The following TMEM132D variants were observed in gnomAD, a reference collection of about 807,000 sequenced individuals.
The protein encoded by TMEM132D is mature OL transmembrane protein.
In TMEM132D, 21 loss-of-function variants were observed where a neutral mutation model predicts 62.3. The observed-to-expected ratio is 0.34, with a 90% CI of 0.24 to 0.49. TMEM132D has a LOEUF of 0.49. TMEM132D is among the 20% of genes least tolerant of loss of function. The pLI is 0.99. For missense variants in TMEM132D, 1,346 were observed against 1,402.8 expected (o/e 0.96, Z 0.65); for synonymous variants, 621 against 575.6 (o/e 1.08, Z -1.13).
intron 2 of TMEM132D, among the ~76,000 whole-genome samples, chr12:129,573,123 C>T (rs1242466516): frequency 6.6e-6 from 1 of 152,178 alleles, no homozygotes; most frequent in African/African-American, 2.4e-5. Context: ...TAGGTGACTG[C>T]ACAGCCAGGG....
intron 1 of TMEM132D, among the ~76,000 whole-genome samples, chr12:129,791,663 CA>C (rs1026998817): frequency 4.6e-5 from 7 of 152,138 alleles, no homozygotes; most frequent in African/African-American, 1.7e-4. Flanking sequence ...TTAACCCCCC[CA>C]GTCACCAATC....
intron 4 of TMEM132D, among the ~76,000 whole-genome samples, chr12:129,280,026 A>G (rs1881100436): frequency 6.6e-6 from 1 of 152,228 alleles, no homozygotes; most frequent in African/African-American, 2.4e-5. Context: ...GCCTCAAGAC[A>G]ATGTTAATTA....
At chr12:129,176,822 G>A (rs766952026) in intron 5 of TMEM132D, among the ~76,000 whole-genome samples, 1 of 152,234 alleles carries the variant, frequency 6.6e-6, no homozygotes, top group Non-Finnish European at 1.5e-5. Context: ...CTCTGTCCCT[G>A]GCATGTGCCA....
rs567491066 is a variant in TMEM132D, at chr12:129,490,121, A to G, written c.1115+40938T>C. ...TAATGGACACACTGCATTCTGTTCAATGTAGCTACTATAGTTCATTTAGTC... is the reference window on the plus strand; with the variant it reads ...TAATGGACACACTGCATTCTGTTCAGTGTAGCTACTATAGTTCATTTAGTC... On this transcript the variant is annotated intron_variant, in intron 3 of 8. Coordinates refer to ENST00000422113, the MANE Select transcript of TMEM132D (RefSeq NM_133448.3). Among the ~76,000 whole-genome samples the G allele has an allele frequency of 4.6e-5, 7 of 152,332 alleles. No individual in the cohort carries two copies. In the South Asian group the frequency reaches 6.2e-4, roughly 14 times the overall value.
chr12:129,538,555 GT>G (rs911207418), intron 2 of TMEM132D, among the ~76,000 whole-genome samples: 16 of 151,858 alleles, frequency 1.1e-4, no homozygotes, highest in African/African-American at 3.1e-4. Context: ...TACATACTAT[GT>G]TTTTTTTCTA....
At chr12:129,144,925 T>TCTATCTATCTATCTAC (rs1555232599) in intron 5 of TMEM132D, among the ~76,000 whole-genome samples, 5 of 147,430 alleles carry the variant, frequency 3.4e-5, no homozygotes, top group African/African-American at 1.2e-4. Flanking sequence ...TATCTATCTA[T>TCTATCTATCTATCTAC]CTACCTATCA....
At chr12:129,232,036 C>A (rs148933931) in intron 4 of TMEM132D, among the ~76,000 whole-genome samples, 1 of 152,260 alleles carries the variant, frequency 6.6e-6, no homozygotes, top group Non-Finnish European at 1.5e-5. Context: ...CAGTGGTTCT[C>A]AAACTTAGCT....
At chr12:129,436,994 A>G (rs769978353) in intron 3 of TMEM132D, among the ~76,000 whole-genome samples, 14 of 152,186 alleles carry the variant, frequency 9.2e-5, no homozygotes, top group Admixed American at 3.9e-4. Context: ...TATCATAGAG[A>G]CTGCTCCATC....
At chr12:129,901,823 A>G (rs1411398661) in intron 1 of TMEM132D, among the ~76,000 whole-genome samples, 1 of 152,124 alleles carries the variant, frequency 6.6e-6, no homozygotes, top group Admixed American at 6.5e-5. Flanking sequence ...CATAAACACA[A>G]AGAAGTCTGG....
chr12:129,271,167 G>T (rs1880842897), intron 4 of TMEM132D, among the ~76,000 whole-genome samples: 1 of 152,112 alleles, frequency 6.6e-6, no homozygotes, highest in Non-Finnish European at 1.5e-5. Flanking sequence ...GCCATGTTTT[G>T]CTGGGACTGA....
At chr12:129,614,794 G>A (rs904428835) in intron 2 of TMEM132D, among the ~76,000 whole-genome samples, 7 of 152,098 alleles carry the variant, frequency 4.6e-5, no homozygotes, top group Non-Finnish European at 7.4e-5. Flanking sequence ...AGCTCTCCCC[G>A]GAATCCAAAT....
intron 1 of TMEM132D, among the ~76,000 whole-genome samples, chr12:129,760,378 C>A (rs1685517584): frequency 7.5e-6 from 1 of 132,664 alleles, no homozygotes; most frequent in Non-Finnish European, 1.5e-5. Context: ...TTTGCCCAGG[C>A]TAGAGTGCAG....
At chr12:129,383,415 C>A (rs1326240766) in intron 3 of TMEM132D, among the ~76,000 whole-genome samples, 4 of 152,086 alleles carry the variant, frequency 2.6e-5, no homozygotes, top group African/African-American at 7.2e-5. Context: ...TCATGTAAAC[C>A]CTACACTTTT....
chr12:129,358,305 C>T (rs954250252), intron 3 of TMEM132D, among the ~76,000 whole-genome samples: 6 of 151,958 alleles, frequency 3.9e-5, no homozygotes, highest in African/African-American at 1.2e-4. Context: ...TTTCTGGAAC[C>T]CTTGTTGTTT....
At chr12:129,715,543 A>G (rs1447093533) in intron 1 of TMEM132D, among the ~76,000 whole-genome samples, 2 of 152,178 alleles carry the variant, frequency 1.3e-5, no homozygotes, top group East Asian at 1.9e-4. Flanking sequence ...ATTCTTGCCT[A>G]TAGTCATGCA....
intron 4 of TMEM132D, among the ~76,000 whole-genome samples, chr12:129,329,607 T>C (rs1869041108): frequency 6.6e-6 from 1 of 152,200 alleles, no homozygotes; most frequent in Non-Finnish European, 1.5e-5. Context: ...CACACATTAC[T>C]TGTACTGACT....
chr12:129,293,895 C>T (rs1881508647), intron 4 of TMEM132D, among the ~76,000 whole-genome samples: 1 of 152,092 alleles, frequency 6.6e-6, no homozygotes, highest in African/African-American at 2.4e-5. Flanking sequence ...AATACTGGTC[C>T]ATAGCCTAGG....
Position 129,576,531 on chromosome 12 carries a change from T to C in TMEM132D, c.969-45326A>G, listed in dbSNP as rs979570318. On this transcript the variant is annotated intron_variant, in intron 2 of 8. Coordinates refer to ENST00000422113, the MANE Select transcript of TMEM132D (RefSeq NM_133448.3). Reference sequence around the variant, plus strand: ...ATATATACACATATATGTGTACATATATCTGTTTACATAAATATATACACA... The same window carrying C: ...ATATATACACATATATGTGTACATACATCTGTTTACATAAATATATACACA... Among the ~76,000 whole-genome samples the C allele has an allele frequency of 6.6e-5, 10 of 151,862 alleles. 1 individual carries two copies. Among genetic ancestry groups the C allele is most frequent in the African/African-American group, 2.4e-4 (10 of 41,146 alleles).
chr12:129,090,087 T>A (rs1019273768), intron 5 of TMEM132D, among the ~76,000 whole-genome samples: 2 of 152,240 alleles, frequency 1.3e-5, no homozygotes, highest in African/African-American at 4.8e-5. Context: ...GCAGCCGCTA[T>A]GAGCTTCCGT....
Sources: allele counts gnomAD v4.1 joint callset (sites outside exome capture counted in the v4.1 genomes callset), GRCh38; gene constraint gnomAD v4.1.1; transcripts MANE v1.5; gene names NCBI Gene and HGNC (gene_info 2026-07-23, HGNC 2026-07-21).